Variants in RYR2 observed in about 807,000 individuals in gnomAD.
The protein encoded by RYR2 is cardiac muscle ryanodine receptor-calcium release channel.
RYR2 carries 227 observed loss-of-function variants against 601.1 expected under a neutral mutation model. The ratio of observed to expected loss-of-function variants is 0.38; its 90% CI spans 0.34 to 0.42. The LOEUF (loss-of-function observed/expected upper bound fraction) is 0.42. RYR2 is among the 10% of genes least tolerant of loss of function. RYR2 has a pLI of 1.00. For synonymous variants in RYR2, 2,223 were observed against 2,175.1 expected, an observed-to-expected ratio of 1.02 and a Z score of -0.61; for missense variants, 4,646 against 6,156.5, an observed-to-expected ratio of 0.75 and a Z score of 8.21.
Position 237,065,475 on chromosome 1 carries a change from CA to C in RYR2, c.48+22907del, listed in dbSNP as rs570912133. Among the ~76,000 whole-genome samples, 188 of 151,632 alleles carry C rather than the reference CA, an allele frequency of 1.2e-3. 3 individuals are homozygous for C. The East Asian group carries it at 0.029, about 24-fold the overall frequency. On this transcript the variant is annotated intron_variant, in intron 1 of 104. Transcript: ENST00000366574. ...TTTTTGGTATTTTTTTTAGTAGAGA[CA>C]GGGTTTCACTATGTTGGCCAGGCTG... is the stretch of plus-strand genomic sequence containing the variant.
intron 87 of RYR2, among the ~76,000 whole-genome samples, 173 bp from the exon 88 acceptor site, chr1:237,778,493 G>A (rs1694842153): frequency 2.0e-5 from 3 of 151,952 alleles, no homozygotes; most frequent in Admixed American, 2.0e-4. Context: ...TCTCTCTTAA[G>A]GATCATTATC....
intron 24 of RYR2, among the ~76,000 whole-genome samples, chr1:237,513,452 T>TA (rs1436139254): frequency 1.3e-5 from 2 of 152,178 alleles, no homozygotes; most frequent in Non-Finnish European, 2.9e-5. Flanking sequence ...ACCCGGAACA[T>TA]AAAATTTAAA....
chr1:237,795,862 A>G (rs56225453), intron 96 of RYR2, among the ~76,000 whole-genome samples: 25 of 75,796 alleles, frequency 3.3e-4, no homozygotes, highest in South Asian at 9.6e-4. Flanking sequence ...ATATGTATAT[A>G]TATATATATA....
chr1:237,270,457 C>T (rs1159135517), intron 1 of RYR2, 40 bp from the exon 2 acceptor site: 28 of 1,553,178 alleles, frequency 1.8e-5, no homozygotes, highest in South Asian at 4.8e-5. Flanking sequence ...AGTCATGTCA[C>T]GTCTCACTTA....
rs975505958 is a variant in RYR2, at chr1:237,456,685, A to G, written c.1562A>G (p.Glu521Gly). Residue 521 changes from glutamate to glycine, a missense_variant, in exon 16 of 105, where the codon GAA becomes GGA. Glu to Gly is a moderately conservative substitution (Grantham distance 98). Around this residue, in one of 17 missense-constraint regions of RYR2, gnomAD observed 1,807 missense variants for 2,088.1 expected, o/e 0.87. Coordinates refer to ENST00000366574, the MANE Select transcript of RYR2 (RefSeq NM_001035.3). The stretch of plus-strand genomic sequence containing the variant: ...CACTTTGCTGATGTTGCTGGGCGAG[A>G]AGCAGGAGAGTCTTGGAAATCCATT... ...AAHFADVAGREAGESWKSILN... is the reference protein window; with the variant it reads ...AAHFADVAGRGAGESWKSILN... 1 of 1,613,646 alleles carries G rather than the reference A, an allele frequency of 6.2e-7. No individual in the cohort carries two copies. The highest frequency in any genetic ancestry group is 8.5e-7 in the Non-Finnish European group (1 of 1,179,688).
intron 20 of RYR2, among the ~76,000 whole-genome samples, chr1:237,499,744 T>C (rs1163609090): frequency 6.6e-6 from 1 of 152,178 alleles, no homozygotes; most frequent in African/African-American, 2.4e-5. Flanking sequence ...ATTGGCATGC[T>C]AGAAATAAAA....
At chr1:237,663,987 C>G (rs1215452999) in intron 56 of RYR2, among the ~76,000 whole-genome samples, 1 of 152,112 alleles carries the variant, frequency 6.6e-6, no homozygotes, top group Non-Finnish European at 1.5e-5. Flanking sequence ...TGGGTTTTGA[C>G]CCCCTCCTTG....
chr1:237,201,777 T>C (rs551278035), intron 1 of RYR2, among the ~76,000 whole-genome samples: 9 of 152,322 alleles, frequency 5.9e-5, no homozygotes, highest in Non-Finnish European at 4.4e-5. Context: ...CATTGGACTC[T>C]TGTCGGGAAG....
chr1:237,734,388 AAACCGTCCCCATGATCC>A (rs1433026089), intron 79 of RYR2, among the ~76,000 whole-genome samples: 1 of 152,152 alleles, frequency 6.6e-6, no homozygotes, highest in Non-Finnish European at 1.5e-5. Flanking sequence ...AGCATGAGGG[AAACCGTCCCCATGATCC>A]AATCACCTCC....
chr1:237,352,295 T>G (rs1322895211), intron 3 of RYR2, among the ~76,000 whole-genome samples: 3 of 152,058 alleles, frequency 2.0e-5, no homozygotes, highest in Non-Finnish European at 4.4e-5. Flanking sequence ...AGTTATATTT[T>G]TATATTCTAG....
At chr1:237,616,575 A>T (rs1009614898) in intron 37 of RYR2, among the ~76,000 whole-genome samples, 1 of 152,164 alleles carries the variant, frequency 6.6e-6, no homozygotes, top group African/African-American at 2.4e-5. Flanking sequence ...TCACCCAGTT[A>T]CACTCATTTT....
intron 1 of RYR2, among the ~76,000 whole-genome samples, chr1:237,214,827 A>G (rs1301953608): frequency 6.6e-6 from 1 of 152,218 alleles, no homozygotes; most frequent in Non-Finnish European, 1.5e-5. Flanking sequence ...AAAATACAAC[A>G]TTCATTGAAT....
chr1:237,447,741 T>C (rs1186650685), intron 14 of RYR2, among the ~76,000 whole-genome samples: 1 of 149,382 alleles, frequency 6.7e-6, no homozygotes, highest in African/African-American at 2.6e-5. Flanking sequence ...CTTTTGATTT[T>C]CCTTTCTTCT....
At chr1:237,435,140 A>G (rs2150118277) in intron 12 of RYR2, among the ~76,000 whole-genome samples, 1 of 152,294 alleles carries the variant, frequency 6.6e-6, no homozygotes, top group South Asian at 2.1e-4. Context: ...TTTCATTCAG[A>G]ATATGTTTCA....
At chr1:237,621,578 C>T (rs916754638) in intron 38 of RYR2, among the ~76,000 whole-genome samples, 16 of 151,990 alleles carry the variant, frequency 1.1e-4, no homozygotes, top group African/African-American at 3.6e-4. Flanking sequence ...CATGGCACAC[C>T]CTGCTGACGT....
chr1:237,832,814 C>T lies in RYR2; in HGVS notation c.*167C>T, dbSNP rs1413690188. On this transcript the variant is annotated 3_prime_UTR_variant, in exon 105 of 105. Transcript: ENST00000366574. ...CGGAAGAGCTGTTTCCTCCCCCCAC[C>T]TTTTGTATTTACTTTGAGACTAAAG... The T allele has an allele frequency of 2.5e-5, 13 of 523,856 alleles. No individual in the cohort carries two copies. The Admixed American group carries it at 3.0e-4, about 12-fold the overall frequency. The allele number at this position is 523,856 out of a possible 1,614,324, so 32.5% of individuals were successfully genotyped here.
chr1:237,756,177 C>A, intron 80 of RYR2, 111 bp from the exon 81 acceptor site: 2 of 668,894 alleles, frequency 3.0e-6, no homozygotes, highest in Non-Finnish European at 5.4e-6. Flanking sequence ...TGAAATGGTC[C>A]ATAATGTTGT....
intron 2 of RYR2, among the ~76,000 whole-genome samples, chr1:237,308,510 C>T (rs1311890686): frequency 1.3e-5 from 2 of 152,308 alleles, no homozygotes; most frequent in East Asian, 3.9e-4. Flanking sequence ...GGTTCTTGGT[C>T]TCAATGACTT....
At chr1:237,368,623 A>G (rs1038732782) in intron 5 of RYR2, among the ~76,000 whole-genome samples, 1 of 152,140 alleles carries the variant, frequency 6.6e-6, no homozygotes, top group Non-Finnish European at 1.5e-5. Context: ...CCCAGTGGTA[A>G]GGGCCAGGAA....
Sources: gnomAD v4.1 joint callset for allele counts (sites outside exome capture counted in the v4.1 genomes callset) on GRCh38, gnomAD v4.1.1 for gene constraint, gnomAD v4.1.1 regional missense constraint, MANE v1.5 for transcripts, NCBI Gene and HGNC (gene_info 2026-07-23, HGNC 2026-07-21) for gene names.